SLC16A9: variants seen among roughly 807,000 people sequenced by gnomAD.
SLC16A9 encodes monocarboxylate transporter 9.
SLC16A9 carries 26 observed loss-of-function variants against 44.3 expected under a neutral mutation model. The ratio of observed to expected loss-of-function variants is 0.59; its 90% confidence interval spans 0.43 to 0.81. The LOEUF is 0.81. SLC16A9 is among the 40% of genes least tolerant of loss of function. SLC16A9 has a pLI of 0.00. For missense variants in SLC16A9, 559 were observed against 595.8 expected, an observed-to-expected ratio of 0.94 and a Z score of 0.64; for synonymous variants, 230 against 225.1, an observed-to-expected ratio of 1.02 and a Z score of -0.19.
chr10:59,684,607 C>A (rs1013703515), intron 1 of SLC16A9, among the ~76,000 whole-genome samples: 1 of 152,008 alleles, frequency 6.6e-6, no homozygotes, highest in Non-Finnish European at 1.5e-5. Context: ...CAGATTCCCA[C>A]CCTGCTCAAC....
chr10:59,675,297 C>T (rs918139767), intron 2 of SLC16A9, among the ~76,000 whole-genome samples: 9 of 152,138 alleles, frequency 5.9e-5, no homozygotes, highest in Non-Finnish European at 1.3e-4. Flanking sequence ...CCAGCATTCT[C>T]CCTGATTGAG....
At position 59,651,842 on chromosome 10, in the gene SLC16A9, A is replaced by T. The variant is rs1317042287; in HGVS notation, c.*930T>A. 1.3e-5 allele frequency: 2 copies of T among 152,102 alleles called. No individual in the cohort carries two copies. The highest frequency in any genetic ancestry group is 2.9e-5 in the Non-Finnish European group (2 of 68,018). 9.4% of individuals were successfully genotyped at this position (152,102 alleles called of 1,614,324 possible). Reference sequence around the variant, plus strand: ...TTTGATAGTGGTAAAATCTGATAGTAGCAAATAAATGCTTCACTGGGAGGA... The same window carrying T: ...TTTGATAGTGGTAAAATCTGATAGTTGCAAATAAATGCTTCACTGGGAGGA... On this transcript the variant is annotated 3_prime_UTR_variant, in exon 6 of 6. Coordinates refer to ENST00000395348, the MANE Select transcript of SLC16A9 (RefSeq NM_194298.3).
At chr10:59,662,456 G>A (rs1175209078) in intron 4 of SLC16A9, among the ~76,000 whole-genome samples, 1 of 151,568 alleles carries the variant, frequency 6.6e-6, no homozygotes, top group Admixed American at 6.6e-5. Context: ...CCAATGTAGG[G>A]AAACACTGTC....
intron 4 of SLC16A9, among the ~76,000 whole-genome samples, chr10:59,658,797 G>A (rs954199324): frequency 3.3e-5 from 5 of 152,004 alleles, no homozygotes; most frequent in African/African-American, 7.3e-5. Context: ...ACTTCTCACC[G>A]GGCAGTGCTT....
At chr10:59,692,716 CA>C (rs541354304) in intron 1 of SLC16A9, among the ~76,000 whole-genome samples, 2 of 152,194 alleles carry the variant, frequency 1.3e-5, no homozygotes, top group Non-Finnish European at 2.9e-5. Flanking sequence ...CTCTTTCCCT[CA>C]AACAATGACT....
chr10:59,676,901 C>G (rs1839870743), intron 2 of SLC16A9, among the ~76,000 whole-genome samples: 1 of 119,966 alleles, frequency 8.3e-6, no homozygotes, highest in Admixed American at 9.5e-5. Context: ...CCAGCCTGGG[C>G]AATGAGCAAA....
intron 3 of SLC16A9, among the ~76,000 whole-genome samples, chr10:59,668,147 T>C (rs1028848574): frequency 2.0e-5 from 3 of 152,102 alleles, no homozygotes; most frequent in Admixed American, 1.3e-4. Flanking sequence ...CAATCTGTCT[T>C]CTAAACTGTT....
intron 4 of SLC16A9, among the ~76,000 whole-genome samples, chr10:59,662,129 A>G (rs1248175810): frequency 1.3e-5 from 2 of 152,204 alleles, no homozygotes; most frequent in African/African-American, 4.8e-5. Flanking sequence ...GCCAAAATAG[A>G]CAAATGGGAT....
At chr10:59,695,431 C>T (rs1256538601) in intron 1 of SLC16A9, among the ~76,000 whole-genome samples, 1 of 152,084 alleles carries the variant, frequency 6.6e-6, no homozygotes, top group African/African-American at 2.4e-5. Flanking sequence ...TAGGTTATAA[C>T]ACAACAAATT....
intron 5 of SLC16A9, 77 bp downstream of exon 5, chr10:59,653,598 A>G: frequency 8.0e-7 from 1 of 1,253,080 alleles, no homozygotes; most frequent in Non-Finnish European, 1.1e-6. Flanking sequence ...TGCTACTATT[A>G]CAATCTGGAC....
intron 1 of SLC16A9, among the ~76,000 whole-genome samples, chr10:59,691,171 A>T (rs1180822503): frequency 6.6e-6 from 1 of 152,230 alleles, no homozygotes; most frequent in Non-Finnish European, 1.5e-5. Flanking sequence ...TGATCCATGC[A>T]TACATTCAAC....
At position 59,653,904 on chromosome 10, in the gene SLC16A9, A is replaced by T. The variant is rs150571837; in HGVS notation, c.1122T>A (p.Leu374=). 1.2e-6 allele frequency: 2 copies of T among 1,614,062 alleles called. No individual in the cohort carries two copies. Among genetic ancestry groups the T allele is most frequent in the African/African-American group, 2.7e-5 (2 of 74,926 alleles). Residue 374 remains leucine (L), a synonymous_variant, in exon 5 of 6, where the codon CTT becomes CTA. Coordinates refer to ENST00000395348, the MANE Select transcript of SLC16A9 (RefSeq NM_194298.3). The stretch of plus-strand genomic sequence containing the variant: ...CCATGATGATTAAGGTAGCAACATA[A>T]AGATACAAGGTATTAATCCACTTGA... ...ADFKWINTLY[L]YVATLIIMGL...
intron 1 of SLC16A9, among the ~76,000 whole-genome samples, chr10:59,698,711 A>C (rs1357506284): frequency 6.6e-6 from 1 of 151,794 alleles, no homozygotes; most frequent in African/African-American, 2.4e-5. Context: ...CTCAGCTGAC[A>C]AAAGCCAACA....
chr10:59,654,264 A>G lies in SLC16A9; in HGVS notation c.762T>C (p.His254=). 5 of 1,614,134 alleles carry G rather than the reference A, an allele frequency of 3.1e-6. No individual in the cohort carries two copies. The highest frequency in any genetic ancestry group is 3.4e-6 in the Non-Finnish European group (4 of 1,180,034). The change falls in exon 5 of 6, where the codon CAT becomes CAC. Residue 254 remains histidine (H), a synonymous_variant. Transcript: ENST00000395348. ...NGDWKQDSLL[H]KNPTVTHTKE... The stretch of plus-strand genomic sequence containing the variant: ...TTGTGTGTGTCACTGTGGGGTTTTT[A>G]TGAAGTAGGCTGTCTTGTTTCCAGT...
chr10:59,674,453 C>T (rs1436778176), intron 2 of SLC16A9, among the ~76,000 whole-genome samples: 1 of 152,020 alleles, frequency 6.6e-6, no homozygotes, highest in Non-Finnish European at 1.5e-5. Context: ...TGTGAGTCAG[C>T]GCAGAAGAGG....
chr10:59,687,182 G>A (rs1840153344), intron 1 of SLC16A9, among the ~76,000 whole-genome samples: 1 of 152,212 alleles, frequency 6.6e-6, no homozygotes, highest in African/African-American at 2.4e-5. Flanking sequence ...CAGGATTACA[G>A]GCATGAGCCA....
intron 5 of SLC16A9, among the ~76,000 whole-genome samples, chr10:59,653,424 T>TAAAAAAAAAAAAAAA (rs1564693193): frequency 1.3e-3 from 1 of 776 alleles, no homozygotes; most frequent in Non-Finnish European, 0.015. Context: ...AAACTCCGTC[T>TAAAAAAAAAAAAAAA]CAAAAAAAAA....
At chr10:59,699,188 G>A (rs1456357198) in intron 1 of SLC16A9, among the ~76,000 whole-genome samples, 1 of 152,194 alleles carries the variant, frequency 6.6e-6, no homozygotes, top group Non-Finnish European at 1.5e-5. Flanking sequence ...TGGTGTGAAT[G>A]ATGATAATTA....
At chr10:59,709,303 C>A (rs1329186117) in intron 1 of SLC16A9, among the ~76,000 whole-genome samples, 176 bp downstream of exon 1, 1 of 152,160 alleles carries the variant, frequency 6.6e-6, no homozygotes, top group Non-Finnish European at 1.5e-5. Flanking sequence ...GAGGGGCGGG[C>A]GCACCGTGGA....
Sources: allele counts gnomAD v4.1 joint callset (sites outside exome capture counted in the v4.1 genomes callset), GRCh38; gene constraint gnomAD v4.1.1; transcripts MANE v1.5; gene names NCBI Gene and HGNC (gene_info 2026-07-23, HGNC 2026-07-21).